PCDHGB6: variants seen among roughly 807,000 people sequenced by gnomAD.
PCDHGB6 encodes protocadherin gamma subfamily B, 6, also known as protocadherin gamma-B6.
In PCDHGB6, 51 loss-of-function variants were observed where a neutral mutation model predicts 59.1. The observed-to-expected ratio is 0.86, with a 90% CI of 0.69 to 1.09. The LOEUF is 1.09. Among genes scored for constraint, PCDHGB6 ranks in the 50% least tolerant of loss-of-function variants. The probability of loss-of-function intolerance (pLI) is 0.00; values close to 1 mark genes in which losing one functional copy is unlikely to be tolerated. For synonymous variants in PCDHGB6, 466 were observed against 495.1 expected (o/e 0.94, Z 0.78); for missense variants, 1,148 against 1,205.1 (o/e 0.95, Z 0.70).
Position 141,410,459 on chromosome 5 carries a change from A to C in PCDHGB6, c.2257A>C (p.Asn753His), listed in dbSNP as rs2095396770. 1 of 1,613,864 alleles carries C rather than the reference A, an allele frequency of 6.2e-7. No individual in the cohort carries two copies. The highest frequency in any genetic ancestry group is 1.7e-5 in the Admixed American group (1 of 59,998). The stretch of plus-strand genomic sequence containing the variant: ...TGAGGGGACTTTGCCTTATTCTTAT[A>C]ATCTGTGCATTGCACATACGGGTAC... ...YSEGTLPYSY[N>H]LCIAHTGTKE... Residue 753 changes from asparagine (N) to histidine (H), a missense_variant, in exon 1 of 4, where the codon AAT becomes CAT. By Grantham distance (68) the Asn-to-His change is moderately conservative (BLOSUM62 1). Around this residue, in one of 5 missense-constraint regions of PCDHGB6, gnomAD observed 283 missense variants for 318.6 expected, o/e 0.89. Coordinates refer to ENST00000520790, the MANE Select transcript of PCDHGB6 (RefSeq NM_018926.3).
rs554845172 is a variant in PCDHGB6 at position 141,485,584 on chromosome 5, G to A, written c.2419-9223G>A. Reference sequence around the variant, plus strand: ...ACGCCCCCCGTTTTCCGCGGCAGCAGCTGGACTTGGAAATTGGGGAGGCAG... The same window carrying A: ...ACGCCCCCCGTTTTCCGCGGCAGCAACTGGACTTGGAAATTGGGGAGGCAG... On this transcript the variant is annotated intron_variant, in intron 1 of 3. Transcript: ENST00000520790. The surrounding 1 kb of genome is among the most constrained non-coding windows in gnomAD (Gnocchi z 5.7). The A allele has an allele frequency of 2.9e-5, 46 of 1,612,498 alleles. 1 individual carries two copies. The South Asian group carries it at 4.5e-4, about 16-fold the overall frequency.
intron 1 of PCDHGB6, among the ~76,000 whole-genome samples, chr5:141,456,882 G>A (rs1039329600): frequency 6.6e-6 from 1 of 152,156 alleles, no homozygotes; most frequent in Non-Finnish European, 1.5e-5. Context: ...AGAATCGCTT[G>A]AACCCGGGAG....
intron 1 of PCDHGB6, chr5:141,424,576 C>CA (rs2096829154): frequency 6.6e-6 from 1 of 152,132 alleles, no homozygotes; most frequent in African/African-American, 2.4e-5. Context: ...AACCTATTTT[C>CA]AAATGTGCTA....
At chr5:141,417,626 T>G in intron 1 of PCDHGB6, 2 of 689,576 alleles carry the variant, frequency 2.9e-6, no homozygotes, top group East Asian at 2.9e-5. Flanking sequence ...GAGCAAGCGC[T>G]GACGCCGGGG....
intron 1 of PCDHGB6, among the ~76,000 whole-genome samples, chr5:141,472,445 C>T (rs2099280467): frequency 6.6e-6 from 1 of 151,956 alleles, no homozygotes; most frequent in Non-Finnish European, 1.5e-5. Flanking sequence ...GAGGCTGAGG[C>T]AGGAGAATCG....
At chr5:141,441,827 A>G (rs1344314632) in intron 1 of PCDHGB6, 1 of 355,628 alleles carries the variant, frequency 2.8e-6, no homozygotes, top group Non-Finnish European at 5.6e-6. Flanking sequence ...CTGGAGCGCA[A>G]TGGCTTCGCG....
intron 1 of PCDHGB6, chr5:141,420,475 A>G (rs1590231324): frequency 3.0e-6 from 2 of 665,126 alleles, no homozygotes; most frequent in Admixed American, 7.8e-5. Context: ...ATTTTAAAGC[A>G]AACTACATGG....
At position 141,511,436 on chromosome 5, in the gene PCDHGB6, T is replaced by C. The variant is rs1371734719; in HGVS notation, c.*263T>C. The C allele has an allele frequency of 1.5e-5, 11 of 718,486 alleles. No individual in the cohort carries two copies. The highest frequency in any genetic ancestry group is 2.2e-5 in the Non-Finnish European group (10 of 461,474). The allele number at this position is 718,486 out of a possible 1,614,324, so 44.5% of individuals were successfully genotyped here. The stretch of plus-strand genomic sequence containing the variant: ...ACCCATGGGGGTAGTGGGGTTACTG[T>C]AGACACCAAGAACCATTTGCCACAC... On this transcript the variant is annotated 3_prime_UTR_variant, in exon 4 of 4. Coordinates refer to ENST00000520790, the MANE Select transcript of PCDHGB6 (RefSeq NM_018926.3).
chr5:141,492,616 G>A (rs976681246), intron 1 of PCDHGB6, among the ~76,000 whole-genome samples: 1 of 152,252 alleles, frequency 6.6e-6, no homozygotes. Flanking sequence ...CTAAGTGCCG[G>A]GCGGGCAGGA....
intron 3 of PCDHGB6, 89 bp downstream of exon 3, chr5:141,505,570 C>G: frequency 6.3e-7 from 1 of 1,598,162 alleles, no homozygotes; most frequent in Admixed American, 1.7e-5. Context: ...GACTGGATGT[C>G]AAACCTGTGT....
rs149920059 is a variant in PCDHGB6 at position 141,409,848 on chromosome 5, G to A, written c.1646G>A (p.Arg549His). 8,006 of 1,612,024 alleles carry A rather than the reference G, an allele frequency of 5.0e-3. 45 individuals are homozygous for A. The highest frequency in any genetic ancestry group is 9.5e-3 in the Admixed American group (567 of 59,794). The change falls in exon 1 of 4, where the codon CGC becomes CAC. Residue 549 changes from arginine (R) to histidine (H), a missense_variant. Around this residue, in one of 5 missense-constraint regions of PCDHGB6, gnomAD observed 549 missense variants for 527.5 expected, o/e 1.04. Transcript: ENST00000520790. ...ACGCTCAGCGCCAACGTGAGCCTGC[G>A]CGTGTTGGTGGGAGACCGCAATGAC... is the stretch of plus-strand genomic sequence containing the variant. ...SPTLSANVSLRVLVGDRNDNA... is the reference protein window; with the variant it reads ...SPTLSANVSLHVLVGDRNDNA...
At position 141,486,415 on chromosome 5, in the gene PCDHGB6, T is replaced by C. The variant is rs745877804; in HGVS notation, c.2419-8392T>C. On this transcript the variant is annotated intron_variant, in intron 1 of 3. Transcript: ENST00000520790. The surrounding 1 kb of genome is among the most constrained non-coding windows in gnomAD (Gnocchi z 5.0). ...CCCTGGTGACTGCTGGACCCTTGGA[T>C]CGAGAGGCCAAATCTAGCTATGACA... 6.2e-7 allele frequency: 1 copy of C among 1,614,176 alleles called. No individual in the cohort carries two copies. The highest frequency in any genetic ancestry group is 8.5e-7 in the Non-Finnish European group (1 of 1,180,022).
In PCDHGB6 at chr5:141,490,275, C is replaced by A; in HGVS notation, c.2419-4532C>A. 6.2e-7 allele frequency: 1 copy of A among 1,614,238 alleles called. No individual in the cohort carries two copies. The highest frequency in any genetic ancestry group is 8.5e-7 in the Non-Finnish European group (1 of 1,180,044). On this transcript the variant is annotated intron_variant, in intron 1 of 3. Transcript: ENST00000520790. The surrounding 1 kb of genome is among the most constrained non-coding windows in gnomAD (Gnocchi z 5.4). Reference sequence around the variant, plus strand: ...AAGTGGATGTGGGGGATGTCAATGACAATGCCCCAGAGGTGCTATTGGCCT... The same window carrying A: ...AAGTGGATGTGGGGGATGTCAATGAAAATGCCCCAGAGGTGCTATTGGCCT...
chr5:141,427,319 G>T (rs1184530487), intron 1 of PCDHGB6: 4 of 456,958 alleles, frequency 8.8e-6, no homozygotes, highest in African/African-American at 8.0e-5. Flanking sequence ...CCCCAGACGT[G>T]GTTTTTACTT....
intron 1 of PCDHGB6, chr5:141,414,150 A>C (rs750190499): frequency 6.2e-7 from 1 of 1,600,176 alleles, no homozygotes; most frequent in African/African-American, 1.3e-5. Context: ...AAATACAAGC[A>C]GAAGATGGAG....
intron 1 of PCDHGB6, chr5:141,414,517 G>A: frequency 6.2e-7 from 1 of 1,613,964 alleles, no homozygotes; most frequent in Non-Finnish European, 8.5e-7. Context: ...ACAAGTGGCA[G>A]ATATCAATGA....
Position 141,409,958 on chromosome 5 carries a change from T to C in PCDHGB6, c.1756T>C (p.Tyr586His). ...GGTACCTCGCTCTGCAGAGCCCGGC[T>C]ACCTAGTGACTAAGGTGGTAGCGGT... Reference protein sequence around the residue: ...DMVPRSAEPGYLVTKVVAVDA... With the variant: ...DMVPRSAEPGHLVTKVVAVDA... Residue 586 changes from tyrosine (Y) to histidine (H), a missense_variant, in exon 1 of 4, where the codon TAC (tyrosine) becomes CAC (histidine). By Grantham distance (83) the Tyr-to-His change is moderately conservative. Transcript: ENST00000520790. 6.2e-7 allele frequency: 1 copy of C among 1,613,394 alleles called. No individual in the cohort carries two copies.
chr5:141,489,830 A>G lies in PCDHGB6; in HGVS notation c.2419-4977A>G, dbSNP rs760376311. On this transcript the variant is annotated intron_variant, in intron 1 of 3. Coordinates refer to ENST00000520790, the MANE Select transcript of PCDHGB6 (RefSeq NM_018926.3). The surrounding 1 kb of genome is among the most constrained non-coding windows in gnomAD (Gnocchi z 4.5). ...AAGCCATTCCCAGAGCTGGTGCTAG[A>G]GCAGCAGCTGGATCGTGAAGCCCAG... 1.9e-6 allele frequency: 3 copies of G among 1,614,200 alleles called. No individual in the cohort carries two copies. Among genetic ancestry groups the G allele is most frequent in the East Asian group, 2.2e-5 (1 of 44,878 alleles).
In PCDHGB6 at chr5:141,489,844, C is replaced by G. The variant is rs1004902910; in HGVS notation, c.2419-4963C>G. Reference sequence around the variant, plus strand: ...GCTGGTGCTAGAGCAGCAGCTGGATCGTGAAGCCCAGGCAAGACATCAGCT... The same window carrying G: ...GCTGGTGCTAGAGCAGCAGCTGGATGGTGAAGCCCAGGCAAGACATCAGCT... On this transcript the variant is annotated intron_variant, in intron 1 of 3. Coordinates refer to ENST00000520790, the MANE Select transcript of PCDHGB6 (RefSeq NM_018926.3). The surrounding 1 kb of genome is among the most constrained non-coding windows in gnomAD (Gnocchi z 4.5). The G allele has an allele frequency of 1.2e-6, 2 of 1,614,030 alleles. No individual in the cohort carries two copies. Among genetic ancestry groups the G allele is most frequent in the Non-Finnish European group, 8.5e-7 (1 of 1,179,990 alleles).
Sources: gnomAD v4.1 joint callset for allele counts (sites outside exome capture counted in the v4.1 genomes callset) on GRCh38, gnomAD v4.1.1 for gene constraint, gnomAD v4.1.1 regional missense constraint, Gnocchi (gnomAD v3.1) non-coding constraint, MANE v1.5 for transcripts, NCBI Gene and HGNC (gene_info 2026-07-23, HGNC 2026-07-21) for gene names.